ZFYVE16: variants seen among roughly 807,000 people sequenced by gnomAD.
ZFYVE16 encodes zinc finger FYVE domain-containing protein 16.
In ZFYVE16, 89 loss-of-function variants were observed where a neutral mutation model predicts 138.1. That is an observed-to-expected ratio of 0.64 (90% confidence interval 0.54 to 0.77). The LOEUF is 0.77. Among genes scored for constraint, ZFYVE16 ranks in the 30% least tolerant of loss-of-function variants. The pLI, the probability that ZFYVE16 is intolerant of heterozygous loss-of-function variation, is 0.00. For missense variants in ZFYVE16, 1,793 were observed against 1,786.7 expected, an observed-to-expected ratio of 1.00 and a Z score of -0.06; for synonymous variants, 596 against 618.3, an observed-to-expected ratio of 0.96 and a Z score of 0.53.
At chr5:80,473,728 C>T in intron 16 of ZFYVE16, 26 bp from the exon 17 acceptor site, 1 of 1,489,514 alleles carries the variant, frequency 6.7e-7, no homozygotes, top group Non-Finnish European at 9.2e-7. Flanking sequence ...GCTAATAATT[C>T]TATTGTATTA....
At chr5:80,450,630 A>C in intron 10 of ZFYVE16, 44 bp downstream of exon 10, 1 of 1,576,534 alleles carries the variant, frequency 6.3e-7, no homozygotes, top group Non-Finnish European at 8.6e-7. Flanking sequence ...GGAATGGATA[A>C]ATTAGTTAAA....
chr5:80,412,100 A>T (rs947546481), intron 1 of ZFYVE16, among the ~76,000 whole-genome samples: 4 of 152,028 alleles, frequency 2.6e-5, no homozygotes, highest in African/African-American at 9.7e-5. Context: ...GGCTCATTTT[A>T]GCCACCTTTA....
intron 1 of ZFYVE16, among the ~76,000 whole-genome samples, chr5:80,424,033 C>T (rs168938): frequency 0.8 from 120,243 of 151,110 alleles, 50,162 homozygotes; most frequent in East Asian, 0.92. Flanking sequence ...GCAGCCTCCA[C>T]CTCCCAGGTT....
intron 6 of ZFYVE16, 61 bp from the exon 7 acceptor site, chr5:80,445,202 T>TGGC: frequency 2.6e-6 from 4 of 1,565,866 alleles, no homozygotes; most frequent in Non-Finnish European, 3.5e-6. Flanking sequence ...ACAATCTTTT[T>TGGC]GGCATTAAAT....
rs2112424863 is a variant in ZFYVE16, at chr5:80,445,375, C to G, written c.2694C>G (p.Asp898Glu). ...CTGGAAGTAAAAGATGTTCTGAAGA[C>G]TTTAGTCCTCTCTCACCTGATGTGC... ...LSSGSKRCSE[D>E]FSPLSPDVPM... is the part of the protein sequence containing the mutation. The change falls in exon 7 of 19, where the codon GAC (aspartate) becomes GAG (glutamate). Residue 898 changes from aspartate (D) to glutamate (E), a missense_variant. Asp to Glu is a conservative substitution (Grantham distance 45). Transcript: ENST00000505560. 1 of 1,613,742 alleles carries G rather than the reference C, an allele frequency of 6.2e-7. No individual in the cohort carries two copies. Among genetic ancestry groups the G allele is most frequent in the South Asian group, 1.1e-5 (1 of 91,050 alleles).
chr5:80,457,702 T>C (rs1410196901), intron 14 of ZFYVE16, among the ~76,000 whole-genome samples: 1 of 152,102 alleles, frequency 6.6e-6, no homozygotes, highest in Non-Finnish European at 1.5e-5. Flanking sequence ...TATATACTTA[T>C]TTGTAGTAAG....
chr5:80,451,161 C>G (rs977573134), intron 10 of ZFYVE16, among the ~76,000 whole-genome samples: 1 of 152,022 alleles, frequency 6.6e-6, no homozygotes, highest in Non-Finnish European at 1.5e-5. Context: ...ACTGTCTGTA[C>G]AAGACTAGGA....
Position 80,438,604 on chromosome 5 carries a change from ACAGT to A in ZFYVE16, c.1922_1925del (p.Ser641AsnfsTer24). The A allele has an allele frequency of 2.5e-6, 4 of 1,614,154 alleles. No individual in the cohort carries two copies. Among genetic ancestry groups the A allele is most frequent in the Non-Finnish European group, 3.4e-6 (4 of 1,179,996 alleles). On this transcript the variant is annotated frameshift_variant, in exon 4 of 19. Transcript: ENST00000505560. LOFTEE classifies it high-confidence loss of function. ...AATCAATTATCGGTCTCTGATATTA[ACAGT>A]CAATCTGTTGGAGGGGCCAGACCTA... is the stretch of plus-strand genomic sequence containing the variant.
intron 1 of ZFYVE16, among the ~76,000 whole-genome samples, chr5:80,422,061 G>A (rs950534710): frequency 6.6e-6 from 1 of 152,142 alleles, no homozygotes; most frequent in African/African-American, 2.4e-5. Flanking sequence ...TGAAGCAATT[G>A]TGAATGGGAG....
At chr5:80,408,418 C>G (rs910461367) in intron 1 of ZFYVE16, among the ~76,000 whole-genome samples, 2 of 152,350 alleles carry the variant, frequency 1.3e-5, no homozygotes, top group Admixed American at 1.3e-4. Flanking sequence ...GGCTGTTTGC[C>G]CGGTTCCCCG....
chr5:80,453,738 G>A (rs900198431), intron 11 of ZFYVE16, among the ~76,000 whole-genome samples: 1 of 152,056 alleles, frequency 6.6e-6, no homozygotes, highest in African/African-American at 2.4e-5. Context: ...TTGTTACAGA[G>A]GTAATGTACA....
At chr5:80,426,272 G>GTGTGTGTATATATATA (rs1370196862) in intron 1 of ZFYVE16, among the ~76,000 whole-genome samples, 3 of 26,470 alleles carry the variant, frequency 1.1e-4, no homozygotes, top group African/African-American at 1.8e-4. Context: ...GTGTGTGTGT[G>GTGTGTGTATATATATA]TATATATATA....
At chr5:80,435,329 G>A (rs920354831) in intron 3 of ZFYVE16, among the ~76,000 whole-genome samples, 34 of 152,050 alleles carry the variant, frequency 2.2e-4, no homozygotes, top group Admixed American at 2.2e-3. Context: ...CACCAGGCCC[G>A]GCCTAATTTT....
chr5:80,472,930 A>C lies in ZFYVE16; in HGVS notation c.4187+7A>C, dbSNP rs1482819637. On this transcript the variant is annotated splice_region_variant and intron_variant, in intron 16 of 18. Transcript: ENST00000505560. The stretch of plus-strand genomic sequence containing the variant: ...AAGAAAAAGGAAACAAAGGGTAGGA[A>C]TTTTTTTATTCTAAAATATAATTGA... 1.9e-6 allele frequency: 3 copies of C among 1,580,286 alleles called. No individual in the cohort carries two copies. The East Asian group carries it at 6.7e-5, about 35-fold the overall frequency.
In ZFYVE16 at chr5:80,483,123, C is replaced by T. The variant is rs1212534975; in HGVS notation, c.*5746C>T. 6.6e-6 allele frequency: 1 copy of T among 152,206 alleles called. No homozygotes were observed. Among genetic ancestry groups the T allele is most frequent in the African/African-American group, 2.4e-5 (1 of 41,440 alleles). 9.4% of individuals were successfully genotyped at this position (152,206 alleles called of 1,614,324 possible). A position where few individuals can be genotyped will look rare whatever the true frequency, so the allele number is the denominator to read the frequency against. Reference sequence around the variant, plus strand: ...ACCTCAGGTGATCTGCCTGCTTCGGCCTCCCAAAGTGCTGAGATTAGAGGC... The same window carrying T: ...ACCTCAGGTGATCTGCCTGCTTCGGTCTCCCAAAGTGCTGAGATTAGAGGC... On this transcript the variant is annotated 3_prime_UTR_variant, in exon 19 of 19. Transcript: ENST00000505560.
chr5:80,472,618 A>T, intron 15 of ZFYVE16, 143 bp from the exon 16 acceptor site: 1 of 842,686 alleles, frequency 1.2e-6, no homozygotes, highest in Non-Finnish European at 1.8e-6. Flanking sequence ...CTTATTTCCT[A>T]GTGGAAAACA....
At chr5:80,433,600 TA>T (rs947843167) in intron 2 of ZFYVE16, among the ~76,000 whole-genome samples, 2 of 150,706 alleles carry the variant, frequency 1.3e-5, no homozygotes, top group African/African-American at 4.9e-5. Context: ...AAAAAGTATA[TA>T]AAAAAAACTC....
rs1211889753 is a variant in ZFYVE16, at chr5:80,470,043, ATG to A, written c.4025-2706_4025-2705del. On this transcript the variant is annotated intron_variant, in intron 15 of 18. Coordinates refer to ENST00000505560, the MANE Select transcript of ZFYVE16 (RefSeq NM_001284236.3). ...TATACATATATATGTGTGTATATAT[ATG>A]TGTGTGTGTGTATATATACGTGTGT... is the stretch of plus-strand genomic sequence containing the variant. Among the ~76,000 whole-genome samples, 19 of 144,906 alleles carry A rather than the reference ATG, an allele frequency of 1.3e-4. No individual in the cohort carries two copies. The South Asian group carries it at 2.4e-3, about 18-fold the overall frequency.
rs1750266218 is a variant in ZFYVE16, at chr5:80,438,530, C to T, written c.1845C>T (p.Ser615=). 1 of 1,613,714 alleles carries T rather than the reference C, an allele frequency of 6.2e-7. No homozygotes were observed. The highest frequency in any genetic ancestry group is 1.3e-5 in the African/African-American group (1 of 74,894). Residue 615 remains serine, a synonymous_variant, in exon 4 of 19, where the codon AGC becomes AGT. Coordinates refer to ENST00000505560, the MANE Select transcript of ZFYVE16 (RefSeq NM_001284236.3). ...IENGLSLGEK[S]TIPVQQGLPT... is the part of the protein sequence containing the mutation. ...ATGGCCTTTCTTTAGGAGAAAAAAG[C>T]ACTATTCCAGTTCAACAAGGGTTAC...
Sources: allele counts gnomAD v4.1 joint callset (sites outside exome capture counted in the v4.1 genomes callset), GRCh38; gene constraint gnomAD v4.1.1; transcripts MANE v1.5; gene names NCBI Gene and HGNC (gene_info 2026-07-23, HGNC 2026-07-21).